Variants in PKHD1L1 observed in about 807,000 individuals in gnomAD.
The protein encoded by PKHD1L1 is fibrocystin-L.
PKHD1L1 carries 434 observed loss-of-function variants against 462.9 expected under a neutral mutation model. The observed-to-expected ratio is 0.94, with a 90% confidence interval of 0.87 to 1.02. PKHD1L1 has a LOEUF of 1.02. Ranked by LOEUF, PKHD1L1 falls within the 50% of genes least tolerant of loss-of-function variation. The pLI, the probability that PKHD1L1 is intolerant of heterozygous loss-of-function variation, is 0.00. For synonymous variants in PKHD1L1, 1,781 were observed against 1,750.0 expected, an observed-to-expected ratio of 1.02 and a Z score of -0.44; for missense variants, 5,202 against 5,096.1, an observed-to-expected ratio of 1.02 and a Z score of -0.63.
rs757090891 is a variant in PKHD1L1, at chr8:109,451,002, TG to T, written c.6204del (p.Ser2069ValfsTer12). 6.2e-7 allele frequency: 1 copy of T among 1,612,388 alleles called. No homozygotes were observed. Among genetic ancestry groups the T allele is most frequent in the African/African-American group, 1.3e-5 (1 of 75,024 alleles). ...NGTGAEQACE[V>X]SVVNGKDLSQ... is the part of the protein sequence containing the mutation. ...ACGGGAGCTGAGCAAGCCTGTGAAG[TG>T]AGTGTGGTTAATGGGAAAGATTTGT... On this transcript the variant is annotated frameshift_variant, in exon 41 of 78. Transcript: ENST00000378402. LOFTEE classifies it high-confidence loss of function.
Position 109,419,113 on chromosome 8 carries a change from A to C in PKHD1L1, c.2377A>C (p.Ile793Leu). ...GTATTTCAGCTGGACTTACACTTGC[A>C]TAGACCTTCTGGATCTCGTAAGAAC... ...AYGNNWTYTC[I>L]DLLDLVRTKY... Residue 793 changes from isoleucine (I) to leucine (L), a missense_variant, in exon 22 of 78, where the codon ATA becomes CTA. Ile to Leu is a conservative substitution (Grantham distance 5). Coordinates refer to ENST00000378402, the MANE Select transcript of PKHD1L1 (RefSeq NM_177531.6). 6.2e-7 allele frequency: 1 copy of C among 1,613,332 alleles called. No homozygotes were observed. Among genetic ancestry groups the C allele is most frequent in the African/African-American group, 1.3e-5 (1 of 75,042 alleles).
At chr8:109,394,902 G>C (rs1245280602) in intron 10 of PKHD1L1, among the ~76,000 whole-genome samples, 1 of 152,316 alleles carries the variant, frequency 6.6e-6, no homozygotes, top group East Asian at 1.9e-4. Flanking sequence ...CACTGAATGT[G>C]TATTAGCTTA....
At chr8:109,439,726 G>T (rs1014168276) in intron 32 of PKHD1L1, among the ~76,000 whole-genome samples, 1 of 152,008 alleles carries the variant, frequency 6.6e-6, no homozygotes, top group Non-Finnish European at 1.5e-5. Flanking sequence ...GAAACTGTTT[G>T]TTAACTGATA....
chr8:109,436,774 A>G (rs1002243657), intron 30 of PKHD1L1, among the ~76,000 whole-genome samples: 2 of 152,226 alleles, frequency 1.3e-5, no homozygotes, highest in African/African-American at 2.4e-5. Flanking sequence ...AGAGGGTGTC[A>G]GAAACAGTTT....
chr8:109,398,548 G>T lies in PKHD1L1; in HGVS notation c.1012G>T (p.Gly338Ter). The change falls in exon 12 of 78, where the codon GGA becomes TGA. Residue 338 changes from glycine (G) to a stop codon, truncating the protein, a stop_gained and splice_region_variant. Transcript: ENST00000378402. LOFTEE classifies it high-confidence loss of function. ...TCATATTCTCAAAACTGTATATCCA[G>T]GTAAGTTACCATAAGGGACAATGGC... ...KPHILKTVYP[G>*]GRGLKLEVWN... The T allele has an allele frequency of 6.6e-7, 1 of 1,522,032 alleles. No homozygotes were observed. The highest frequency in any genetic ancestry group is 1.2e-5 in the South Asian group (1 of 83,990). The allele number at this position is 1,522,032 out of a possible 1,614,324, so 94.3% of individuals were successfully genotyped here.
At chr8:109,522,363 G>A in intron 74 of PKHD1L1, 26 bp downstream of exon 74, 2 of 1,498,768 alleles carry the variant, frequency 1.3e-6, no homozygotes, top group Non-Finnish European at 1.8e-6. Context: ...TAGAAAAAAT[G>A]CATTTTTTGG....
intron 14 of PKHD1L1, among the ~76,000 whole-genome samples, chr8:109,404,165 C>T (rs1459786673): frequency 6.6e-6 from 1 of 152,136 alleles, no homozygotes; most frequent in Non-Finnish European, 1.5e-5. Context: ...AAAATATATG[C>T]TATGTCTAAG....
At chr8:109,446,104 G>C (rs1816123413) in intron 38 of PKHD1L1, among the ~76,000 whole-genome samples, 1 of 151,940 alleles carries the variant, frequency 6.6e-6, no homozygotes. Context: ...GGAGATAATT[G>C]GCCCATTCAA....
chr8:109,487,925 G>GAAGA (rs1818631609), intron 59 of PKHD1L1, among the ~76,000 whole-genome samples: 1 of 150,350 alleles, frequency 6.7e-6, no homozygotes, highest in East Asian at 2.0e-4. Flanking sequence ...AGGAAGGAAG[G>GAAGA]AAGGAAGGAA....
intron 40 of PKHD1L1, among the ~76,000 whole-genome samples, chr8:109,450,774 T>C (rs1816442449): frequency 6.6e-6 from 1 of 152,244 alleles, no homozygotes; most frequent in South Asian, 2.1e-4. Context: ...GGGCTTTTTC[T>C]TCTGTCGATA....
At position 109,362,503 on chromosome 8, in the gene PKHD1L1, C is replaced by G; in HGVS notation, c.-78C>G. On this transcript the variant is annotated 5_prime_UTR_variant, in exon 1 of 78. Coordinates refer to ENST00000378402, the MANE Select transcript of PKHD1L1 (RefSeq NM_177531.6). ...GGACGAAGCGGGCCCGCCAGCGAGT[C>G]GCAGTCCCAGGAGCCGAGCTCCAGC... The G allele has an allele frequency of 7.2e-7, 1 of 1,390,642 alleles. No individual in the cohort carries two copies. Among genetic ancestry groups the G allele is most frequent in the Non-Finnish European group, 1.0e-6 (1 of 1,002,630 alleles). The allele number at this position is 1,390,642 out of a possible 1,614,324, so 86.1% of individuals were successfully genotyped here.
chr8:109,484,427 T>C (rs1040985928), intron 57 of PKHD1L1, among the ~76,000 whole-genome samples: 1 of 151,862 alleles, frequency 6.6e-6, no homozygotes, highest in African/African-American at 2.4e-5. Flanking sequence ...CAAATAAATA[T>C]CTATTGATTT....
At chr8:109,429,591 T>C (rs1814975029) in intron 26 of PKHD1L1, 129 bp downstream of exon 26, 13 of 882,682 alleles carry the variant, frequency 1.5e-5, no homozygotes, top group Non-Finnish European at 1.7e-6. Flanking sequence ...GTCTTAATAT[T>C]GATCAACTTG....
chr8:109,480,144 G>T lies in PKHD1L1; in HGVS notation c.9327+5G>T. ...GCTACCTACATATCACTGCAGGTAA[G>T]AGTGAGGGCCTTGTAGTTTATATCT... is the stretch of plus-strand genomic sequence containing the variant. On this transcript the variant is annotated splice_donor_5th_base_variant and intron_variant, in intron 55 of 77. Transcript: ENST00000378402. The T allele has an allele frequency of 6.5e-7, 1 of 1,546,562 alleles. No individual in the cohort carries two copies. Among genetic ancestry groups the T allele is most frequent in the East Asian group, 2.4e-5 (1 of 42,138 alleles).
chr8:109,523,450 T>C (rs1820662267), intron 76 of PKHD1L1, 64 bp downstream of exon 76: 2 of 1,431,150 alleles, frequency 1.4e-6, no homozygotes, highest in East Asian at 4.6e-5. Context: ...TAATGTTCTT[T>C]TAATGAACAA....
In PKHD1L1 at chr8:109,429,326, G is replaced by A. The variant is rs1235505846; in HGVS notation, c.3001-14G>A. On this transcript the variant is annotated splice_polypyrimidine_tract_variant and intron_variant, in intron 25 of 77. Coordinates refer to ENST00000378402, the MANE Select transcript of PKHD1L1 (RefSeq NM_177531.6). ...TTATAACCTTTCTAGTAAAATAATT[G>A]TGTGTAAAAATAGATTAATGATTCC... is the stretch of plus-strand genomic sequence containing the variant. 2.0e-6 allele frequency: 3 copies of A among 1,479,086 alleles called. No homozygotes were observed. Among genetic ancestry groups the A allele is most frequent in the Non-Finnish European group, 2.8e-6 (3 of 1,084,800 alleles). The allele number at this position is 1,479,086 out of a possible 1,614,324, so 91.6% of individuals were successfully genotyped here.
chr8:109,396,263 C>G (rs896401915), intron 11 of PKHD1L1, 126 bp downstream of exon 11: 1 of 712,248 alleles, frequency 1.4e-6, no homozygotes, highest in African/African-American at 1.8e-5. Flanking sequence ...AGTATTTTCA[C>G]ATAGTCATTT....
intron 62 of PKHD1L1, among the ~76,000 whole-genome samples, chr8:109,493,444 G>A (rs1431122243): frequency 6.6e-6 from 1 of 151,400 alleles, no homozygotes; most frequent in African/African-American, 2.4e-5. Flanking sequence ...TGAAGTCCAG[G>A]CTGTAGTACT....
chr8:109,453,815 T>C (rs562162594), intron 43 of PKHD1L1, among the ~76,000 whole-genome samples: 2 of 152,300 alleles, frequency 1.3e-5, no homozygotes, highest in African/African-American at 4.8e-5. Context: ...TTAATTGCTT[T>C]TGTTCTTAAT....
Sources: gnomAD v4.1 joint callset for allele counts (sites outside exome capture counted in the v4.1 genomes callset) on GRCh38, gnomAD v4.1.1 for gene constraint, MANE v1.5 for transcripts, NCBI Gene and HGNC (gene_info 2026-07-23, HGNC 2026-07-21) for gene names.